Variants in ROBO2 observed in about 807,000 individuals in gnomAD.
ROBO2 encodes the protein roundabout guidance receptor 2.
A neutral mutation model predicts 160.8 loss-of-function variants in ROBO2; 53 were observed. The observed-to-expected ratio is 0.33, with a 90% CI of 0.26 to 0.41. The LOEUF (loss-of-function observed/expected upper bound fraction) is 0.41, where lower values mean the gene tolerates loss of function less well. ROBO2 is among the 10% of genes least tolerant of loss of function. ROBO2 has a pLI of 1.00. For synonymous variants in ROBO2, 664 were observed against 611.7 expected (o/e 1.09, Z -1.26); for missense variants, 1,577 against 1,722.4 (o/e 0.92, Z 1.49).
At chr3:77,486,330 G>A (rs1823235) in intron 4 of ROBO2, among the ~76,000 whole-genome samples, 79,236 of 151,870 alleles carry the variant, frequency 0.52, 21,007 homozygotes, top group Admixed American at 0.63. Context: ...AGATCCTTGA[G>A]GAATCACCAC....
At chr3:76,282,690 G>T (rs1023255053) in intron 2 of ROBO2, among the ~76,000 whole-genome samples, 5 of 151,906 alleles carry the variant, frequency 3.3e-5, no homozygotes, top group Non-Finnish European at 7.4e-5. Flanking sequence ...ATACCAGATT[G>T]TGGGTCTGCC....
At chr3:76,169,408 G>C (rs143295131) in intron 2 of ROBO2, among the ~76,000 whole-genome samples, 200 of 152,216 alleles carry the variant, frequency 1.3e-3, no homozygotes, top group African/African-American at 3.3e-3. Flanking sequence ...AGCATGCGTG[G>C]GGCTTTAAGC....
At chr3:75,922,720 A>G (rs1232435903) in intron 1 of ROBO2, among the ~76,000 whole-genome samples, 1 of 152,136 alleles carries the variant, frequency 6.6e-6, no homozygotes, top group African/African-American at 2.4e-5. Flanking sequence ...TTATAAGTAA[A>G]TATATACATC....
chr3:75,934,946 T>G lies in ROBO2; in HGVS notation c.-13-2535T>G, dbSNP rs536691301. On this transcript the variant is annotated intron_variant, in intron 1 of 26. Coordinates refer to the ROBO2 transcript ENST00000487694. ...AATTTACTGAAGGATTATTTACACT[T>G]TGATGAGTGGATCTGGATATTTTGA... is the stretch of plus-strand genomic sequence containing the variant. Among the ~76,000 whole-genome samples, 174 of 152,290 alleles carry G rather than the reference T, an allele frequency of 1.1e-3. 2 individuals carry two copies. Among genetic ancestry groups the G allele is most frequent in the African/African-American group, 3.3e-3 (136 of 41,566 alleles).
chr3:76,824,747 T>TA (rs2066418307), intron 2 of ROBO2, among the ~76,000 whole-genome samples: 1 of 152,100 alleles, frequency 6.6e-6, no homozygotes, highest in African/African-American at 2.4e-5. Context: ...TAGAGAGCAG[T>TA]TACTGCTTCC....
Position 76,350,606 on chromosome 3 carries a change from A to G in ROBO2, c.109+413004A>G, listed in dbSNP as rs570297435. Among the ~76,000 whole-genome samples the G allele has an allele frequency of 1.7e-3, 263 of 152,220 alleles. 1 individual carries two copies. Among genetic ancestry groups the G allele is most frequent in the African/African-American group, 6.1e-3 (253 of 41,584 alleles). On this transcript the variant is annotated intron_variant, in intron 2 of 26. Transcript: ENST00000487694. ...TGTTAAAAATATGATATTTAATATAATCATTAATGACTTGGAGACTGAGAG... is the reference window on the plus strand; with the variant it reads ...TGTTAAAAATATGATATTTAATATAGTCATTAATGACTTGGAGACTGAGAG...
intron 2 of ROBO2, among the ~76,000 whole-genome samples, chr3:76,384,899 C>T (rs1049784207): frequency 2.0e-5 from 3 of 152,150 alleles, no homozygotes; most frequent in East Asian, 1.9e-4. Flanking sequence ...ACAGCCAAAC[C>T]CTACCAGTGC....
At chr3:77,265,757 A>G (rs1017123989) in intron 2 of ROBO2, among the ~76,000 whole-genome samples, 13 of 152,144 alleles carry the variant, frequency 8.5e-5, no homozygotes, top group Non-Finnish European at 1.8e-4. Flanking sequence ...ATGTTTCATG[A>G]AGTAGAATCC....
intron 2 of ROBO2, among the ~76,000 whole-genome samples, chr3:76,201,478 C>A (rs913764524): frequency 2.6e-5 from 4 of 152,004 alleles, no homozygotes; most frequent in African/African-American, 9.7e-5. Context: ...ACAAACTATC[C>A]CTGAACAAAA....
chr3:76,450,484 T>C (rs1559967068), intron 2 of ROBO2, among the ~76,000 whole-genome samples: 1 of 152,148 alleles, frequency 6.6e-6, no homozygotes, highest in South Asian at 2.1e-4. Flanking sequence ...TTTTAACTTA[T>C]TCTATTATTT....
At chr3:77,290,322 G>C (rs2061045736) in intron 2 of ROBO2, among the ~76,000 whole-genome samples, 1 of 101,438 alleles carries the variant, frequency 9.9e-6, no homozygotes, top group Non-Finnish European at 2.1e-5. Context: ...GCTGAGGCTA[G>C]ATCACCCCAG....
rs1414489325 is a variant in ROBO2 at position 76,062,573 on chromosome 3, A to G, written c.109+124971A>G. On this transcript the variant is annotated intron_variant, in intron 2 of 26. Transcript: ENST00000487694. Reference sequence around the variant, plus strand: ...GGCATTCTTCTTCTTACTTGGGATTAGCAACATATGCTTATATGAGGGTTA... The same window carrying G: ...GGCATTCTTCTTCTTACTTGGGATTGGCAACATATGCTTATATGAGGGTTA... 3.3e-5 allele frequency among the ~76,000 whole-genome samples: 5 copies of G among 152,324 alleles called. No individual in the cohort carries two copies. In the South Asian group the frequency reaches 6.2e-4, roughly 19 times the overall value.
intron 2 of ROBO2, among the ~76,000 whole-genome samples, chr3:77,133,051 T>A (rs1239199677): frequency 6.6e-6 from 1 of 152,190 alleles, no homozygotes; most frequent in Non-Finnish European, 1.5e-5. Flanking sequence ...AAATAACTTT[T>A]AACTTCTTGC....
chr3:76,823,434 T>G (rs2066290967), intron 2 of ROBO2, among the ~76,000 whole-genome samples: 1 of 152,168 alleles, frequency 6.6e-6, no homozygotes, highest in Admixed American at 6.6e-5. Context: ...CTCTTCAAAT[T>G]AAATACAAAG....
chr3:75,969,494 G>A (rs527733074), intron 2 of ROBO2, among the ~76,000 whole-genome samples: 2 of 151,628 alleles, frequency 1.3e-5, no homozygotes, highest in East Asian at 2.0e-4. Context: ...CCTTCATACC[G>A]TTTCCCAAAA....
At chr3:76,552,800 T>C (rs760871111) in intron 2 of ROBO2, among the ~76,000 whole-genome samples, 13 of 152,330 alleles carry the variant, frequency 8.5e-5, no homozygotes, top group African/African-American at 1.9e-4. Context: ...AGTAGTTCCA[T>C]TGGGTTCCAT....
chr3:75,951,852 C>A (rs751422826), intron 2 of ROBO2, among the ~76,000 whole-genome samples: 2 of 151,860 alleles, frequency 1.3e-5, no homozygotes, highest in African/African-American at 2.4e-5. Flanking sequence ...TCTGATAGCT[C>A]CCTTGTGTAC....
intron 2 of ROBO2, among the ~76,000 whole-genome samples, chr3:76,831,065 A>G (rs1462050755): frequency 6.6e-6 from 1 of 152,092 alleles, no homozygotes; most frequent in Admixed American, 6.6e-5. Flanking sequence ...ATTATCTTAC[A>G]TTTATTCTTT....
rs151067948 is a variant in ROBO2 at position 77,099,197 on chromosome 3, A to G, written c.388+857A>G. Among the ~76,000 whole-genome samples the G allele has an allele frequency of 2.7e-5, 4 of 149,428 alleles. No homozygotes were observed. In the East Asian group the frequency reaches 8.2e-4, roughly 30 times the overall value. On this transcript the variant is annotated intron_variant, in intron 2 of 25. Transcript: ENST00000461745. ...AGCGATTCTCCTGTCTCAGCCTCCC[A>G]AGTAGCTGGGATTACAGACACCAGG...
Sources: gnomAD v4.1 joint callset for allele counts (sites outside exome capture counted in the v4.1 genomes callset) on GRCh38, gnomAD v4.1.1 for gene constraint, MANE v1.5 for transcripts, NCBI Gene and HGNC (gene_info 2026-07-23, HGNC 2026-07-21) for gene names.